Variants in PLPP3 observed in about 807,000 individuals in gnomAD.
PLPP3 encodes PAP2 beta.
PLPP3 carries 6 observed loss-of-function variants against 29.6 expected under a neutral mutation model. The ratio of observed to expected loss-of-function variants is 0.20; its 90% confidence interval spans 0.11 to 0.40. PLPP3 has a LOEUF of 0.40. Ranked by LOEUF, PLPP3 falls within the 10% of genes least tolerant of loss-of-function variation. The pLI is 1.00. For synonymous variants in PLPP3, 152 were observed against 159.7 expected, an observed-to-expected ratio of 0.95 and a Z score of 0.36; for missense variants, 308 against 407.7, an observed-to-expected ratio of 0.76 and a Z score of 2.11.
chr1:56,518,574 A>AATTC (rs1306788177), intron 4 of PLPP3, among the ~76,000 whole-genome samples: 1 of 152,090 alleles, frequency 6.6e-6, no homozygotes, highest in Non-Finnish European at 1.5e-5. Flanking sequence ...GAAGACCTGA[A>AATTC]ATTCATTCAT....
intron 1 of PLPP3, among the ~76,000 whole-genome samples, chr1:56,574,250 C>G (rs757133898): frequency 6.0e-5 from 9 of 151,120 alleles, no homozygotes; most frequent in Non-Finnish European, 1.2e-4. Context: ...AAGCTTTTAA[C>G]CATACTAGAA....
chr1:56,515,616 C>T (rs868450381), intron 4 of PLPP3, among the ~76,000 whole-genome samples: 32 of 152,300 alleles, frequency 2.1e-4, no homozygotes, highest in Admixed American at 9.2e-4. Context: ...GGGAAAAGAA[C>T]GCCTTTGGGA....
chr1:56,502,314 T>G (rs986652065), intron 5 of PLPP3, among the ~76,000 whole-genome samples: 1 of 152,126 alleles, frequency 6.6e-6, no homozygotes, highest in Admixed American at 6.5e-5. Flanking sequence ...TAGCAAAGGG[T>G]AGATAACTAT....
chr1:56,568,711 C>T (rs1184719646), intron 1 of PLPP3, among the ~76,000 whole-genome samples: 4 of 152,066 alleles, frequency 2.6e-5, no homozygotes, highest in African/African-American at 4.8e-5. Context: ...CTGCAACCTC[C>T]GCCTCCCGGG....
intron 1 of PLPP3, among the ~76,000 whole-genome samples, chr1:56,570,111 T>C (rs1466987679): frequency 6.6e-6 from 1 of 152,156 alleles, no homozygotes; most frequent in African/African-American, 2.4e-5. Flanking sequence ...TAGTAGGTGC[T>C]CAAGAATCAT....
intron 2 of PLPP3, among the ~76,000 whole-genome samples, chr1:56,530,926 C>G (rs764570511): frequency 2.6e-5 from 4 of 152,300 alleles, no homozygotes; most frequent in Admixed American, 6.5e-5. Context: ...AGGTCAGGTT[C>G]TCTGACGAAA....
rs1569582407 is a variant in PLPP3 at position 56,548,868 on chromosome 1, A to T, written c.140-11756T>A. 2.0e-5 allele frequency among the ~76,000 whole-genome samples: 3 copies of T among 151,998 alleles called. No homozygotes were observed. In the East Asian group the frequency reaches 5.8e-4, roughly 29 times the overall value. On this transcript the variant is annotated intron_variant, in intron 1 of 5. Transcript: ENST00000371250. ...TGAATGCCATGTCATTTGAATGCCA[A>T]TTGGTATAGCCAATTTAAGGCTATA...
chr1:56,534,595 T>C (rs1208095139), intron 2 of PLPP3, among the ~76,000 whole-genome samples: 1 of 152,176 alleles, frequency 6.6e-6, no homozygotes, highest in Non-Finnish European at 1.5e-5. Context: ...CTGTCACTCT[T>C]GCCCTCTAAT....
chr1:56,567,199 C>G (rs1266180536), intron 1 of PLPP3, among the ~76,000 whole-genome samples: 1 of 152,092 alleles, frequency 6.6e-6, no homozygotes, highest in Non-Finnish European at 1.5e-5. Context: ...ATTTCCCAGT[C>G]AGCTTATTGT....
Position 56,579,071 on chromosome 1 carries a change from C to CCA in PLPP3, c.-57_-56dup. 1 of 1,562,878 alleles carries CCA rather than the reference C, an allele frequency of 6.4e-7. No individual in the cohort carries two copies. Among genetic ancestry groups the CCA allele is most frequent in the Non-Finnish European group, 8.6e-7 (1 of 1,161,936 alleles). On this transcript the variant is annotated 5_prime_UTR_variant, in exon 1 of 6. Transcript: ENST00000371250. ...CCGCGAAGACGTCCCGCAACAGCAG[C>CCA]CACACACCCAGGCGCCCGGGTCGCC...
At chr1:56,556,495 T>C (rs1646077525) in intron 1 of PLPP3, among the ~76,000 whole-genome samples, 1 of 151,960 alleles carries the variant, frequency 6.6e-6, no homozygotes. Context: ...AAAATGGCAA[T>C]AGTATTTATG....
chr1:56,506,576 G>A (rs759587194), intron 5 of PLPP3, among the ~76,000 whole-genome samples: 4 of 152,284 alleles, frequency 2.6e-5, no homozygotes, highest in Admixed American at 6.5e-5. Flanking sequence ...AATGGCAGCC[G>A]GGCCCTCCCC....
intron 5 of PLPP3, among the ~76,000 whole-genome samples, chr1:56,502,742 A>G (rs537733057): frequency 2.6e-5 from 4 of 152,306 alleles, no homozygotes; most frequent in African/African-American, 9.6e-5. Flanking sequence ...TTGATACGTG[A>G]CGCTTTAAAT....
intron 4 of PLPP3, among the ~76,000 whole-genome samples, chr1:56,513,985 A>G (rs10443239): frequency 0.096 from 14,558 of 152,096 alleles, 876 homozygotes; most frequent in South Asian, 0.17. Context: ...AGATGTGGGG[A>G]AAAAATTATT....
chr1:56,542,022 A>G (rs1557508663), intron 1 of PLPP3, among the ~76,000 whole-genome samples: 1 of 151,256 alleles, frequency 6.6e-6, no homozygotes, highest in Non-Finnish European at 1.5e-5. Flanking sequence ...AGACCCAAGC[A>G]TTTCTCCTTC....
At chr1:56,535,313 G>C (rs1466238321) in intron 2 of PLPP3, among the ~76,000 whole-genome samples, 1 of 152,164 alleles carries the variant, frequency 6.6e-6, no homozygotes, top group Non-Finnish European at 1.5e-5. Flanking sequence ...GGTTTCAAGG[G>C]TGAAATGCAT....
intron 4 of PLPP3, among the ~76,000 whole-genome samples, chr1:56,517,728 G>A (rs1645791134): frequency 6.6e-6 from 1 of 152,198 alleles, no homozygotes; most frequent in African/African-American, 2.4e-5. Flanking sequence ...CTGGACCTCT[G>A]TCTTTGGAGA....
Position 56,541,369 on chromosome 1 carries a change from C to T in PLPP3, c.140-4257G>A, listed in dbSNP as rs555080944. Among the ~76,000 whole-genome samples, 4 of 152,234 alleles carry T rather than the reference C, an allele frequency of 2.6e-5. No homozygotes were observed. The South Asian group carries it at 8.3e-4, about 32-fold the overall frequency. On this transcript the variant is annotated intron_variant, in intron 1 of 5. Coordinates refer to ENST00000371250, the MANE Select transcript of PLPP3 (RefSeq NM_003713.5). ...ATGAAGGAAAGAAAGGCGAAAATAG[C>T]ACAAAGCATAAATAATAGGTAACAT...
chr1:56,566,254 T>C (rs1646161412), intron 1 of PLPP3, among the ~76,000 whole-genome samples: 1 of 152,108 alleles, frequency 6.6e-6, no homozygotes, highest in Non-Finnish European at 1.5e-5. Flanking sequence ...CATGGAGTAG[T>C]GGAGAAAAGC....
Sources: gnomAD v4.1 joint callset for allele counts (sites outside exome capture counted in the v4.1 genomes callset) on GRCh38, gnomAD v4.1.1 for gene constraint, MANE v1.5 for transcripts, NCBI Gene and HGNC (gene_info 2026-07-23, HGNC 2026-07-21) for gene names.